The following CDKN2B-AS1 variants were observed in gnomAD, a reference collection of about 807,000 sequenced individuals.
CDKN2B-AS1 encodes CDKN2B and CDKN2A antisense cis and trans regulatory RNA 1, also known as CDKN2B antisense RNA 1 (non-protein coding).
intron 1 of CDKN2B-AS1, chr9:22,008,936 C>T (rs1361379009): frequency 6.2e-7 from 1 of 1,613,026 alleles, no homozygotes; most frequent in African/African-American, 1.3e-5. Flanking sequence ...TGGGCATGCC[C>T]TTGTTCTCCT....
intron 4 of CDKN2B-AS1, among the ~76,000 whole-genome samples, chr9:22,089,992 A>C: frequency 2.2e-5 from 2 of 89,742 alleles, no homozygotes; most frequent in Admixed American, 1.6e-4. Flanking sequence ...CCCACCCCAC[A>C]ACAGGCCCCG....
chr9:22,073,165 A>AT (rs1824365287), intron 4 of CDKN2B-AS1, among the ~76,000 whole-genome samples: 1 of 152,190 alleles, frequency 6.6e-6, no homozygotes, highest in Admixed American at 6.5e-5. Flanking sequence ...TAGGAAACCA[A>AT]TATTTGTCTA....
In CDKN2B-AS1 at chr9:22,001,883, T is replaced by C. The variant is rs565487421; in HGVS notation, n.29+6722T>C. Among the ~76,000 whole-genome samples the C allele has an allele frequency of 1.3e-5, 2 of 152,124 alleles. No individual in the cohort carries two copies. The highest frequency in any genetic ancestry group is 2.4e-5 in the African/African-American group (1 of 41,448). On this transcript the variant is annotated intron_variant and non_coding_transcript_variant, in intron 1 of 4. Transcript: ENST00000650946. This position sits in a 1 kb window ranked among gnomAD's most constrained non-coding sequence, Gnocchi z 4.2. ...AACCAATGTGGGAATCTAGGTCTTC[T>C]ATCTTCCAGTCAAGTCCTTGTTTCA...
chr9:22,056,950 C>G (rs1002505415), intron 4 of CDKN2B-AS1, among the ~76,000 whole-genome samples: 1 of 152,150 alleles, frequency 6.6e-6, no homozygotes, highest in Non-Finnish European at 1.5e-5. Context: ...AATTAATGAA[C>G]CTGACATTCA....
At chr9:22,112,033 C>T (rs975726120) in intron 4 of CDKN2B-AS1, 1 of 152,150 alleles carries the variant, frequency 6.6e-6, no homozygotes, top group Non-Finnish European at 1.5e-5. Flanking sequence ...TTTCCCACCA[C>T]AGTAAGTATT....
At chr9:22,003,618 A>G in intron 1 of CDKN2B-AS1, 1 of 229,956 alleles carries the variant, frequency 4.3e-6, no homozygotes, top group Non-Finnish European at 8.6e-6. Flanking sequence ...CTTTAAAAAT[A>G]TTATTCTTGT....
chr9:22,075,234 G>A (rs924833330), intron 4 of CDKN2B-AS1, among the ~76,000 whole-genome samples: 1 of 152,178 alleles, frequency 6.6e-6, no homozygotes, highest in Admixed American at 6.5e-5. Flanking sequence ...CCTATCCCCA[G>A]GCCAGTTAAC....
intron 1 of CDKN2B-AS1, chr9:22,003,500 A>C (rs955027570): frequency 8.7e-6 from 2 of 228,660 alleles, no homozygotes; most frequent in Non-Finnish European, 1.7e-5. Flanking sequence ...TTGGAATTTA[A>C]GATATAGAGG....
intron 4 of CDKN2B-AS1, chr9:22,062,145 A>G (rs1037998454): frequency 6.6e-6 from 1 of 152,212 alleles, no homozygotes; most frequent in African/African-American, 2.4e-5. Flanking sequence ...GCAGAGGACC[A>G]TGATATTTCT....
intron 1 of CDKN2B-AS1, among the ~76,000 whole-genome samples, chr9:22,041,642 C>G (rs2131265203): frequency 1.3e-5 from 2 of 152,140 alleles, no homozygotes; most frequent in South Asian, 4.1e-4. Flanking sequence ...GGTGAAAACA[C>G]TTTCTTAGGG....
chr9:22,102,974 T>A (rs1219104706), intron 4 of CDKN2B-AS1, among the ~76,000 whole-genome samples: 1 of 152,212 alleles, frequency 6.6e-6, no homozygotes, highest in Non-Finnish European at 1.5e-5. Flanking sequence ...TGCTCTCATC[T>A]GAGGCTTCAG....
chr9:22,040,488 A>C (rs1822853070), intron 1 of CDKN2B-AS1, among the ~76,000 whole-genome samples: 2 of 151,958 alleles, frequency 1.3e-5, no homozygotes. Flanking sequence ...GTTGAGAAGG[A>C]GATCATAACC....
At chr9:22,103,631 A>G (rs1720275385) in intron 4 of CDKN2B-AS1, among the ~76,000 whole-genome samples, 1 of 152,226 alleles carries the variant, frequency 6.6e-6, no homozygotes. Flanking sequence ...GAAATAATTA[A>G]ATTTATAAGA....
intron 1 of CDKN2B-AS1, among the ~76,000 whole-genome samples, chr9:22,032,109 C>G (rs906248537): frequency 6.6e-6 from 1 of 152,176 alleles, no homozygotes; most frequent in Non-Finnish European, 1.5e-5. Context: ...TGAAGCAGAG[C>G]TATTCTCAGA....
intron 1 of CDKN2B-AS1, among the ~76,000 whole-genome samples, chr9:22,041,784 G>GAC (rs1261459098): frequency 6.6e-6 from 1 of 151,970 alleles, no homozygotes; most frequent in Non-Finnish European, 1.5e-5. Flanking sequence ...GAAACTCACA[G>GAC]ACTCCAAAGC....
chr9:22,110,226 G>C (rs1432404337), intron 4 of CDKN2B-AS1, among the ~76,000 whole-genome samples: 1 of 152,042 alleles, frequency 6.6e-6, no homozygotes, highest in Non-Finnish European at 1.5e-5. Context: ...TGAATTCTCT[G>C]ATATCAGCAA....
At chr9:22,099,514 G>A (rs1402476691) in intron 4 of CDKN2B-AS1, among the ~76,000 whole-genome samples, 2 of 152,018 alleles carry the variant, frequency 1.3e-5, no homozygotes, top group African/African-American at 2.4e-5. Context: ...TTTTTAGCTG[G>A]TCATTTCTTT....
chr9:22,040,370 T>A (rs1822850099), intron 1 of CDKN2B-AS1, among the ~76,000 whole-genome samples: 1 of 152,044 alleles, frequency 6.6e-6, no homozygotes, highest in African/African-American at 2.4e-5. Context: ...ATAGTGCCAG[T>A]GTTTGAACAC....
At chr9:22,125,562 G>T (rs1432452759) in intron 4 of CDKN2B-AS1, among the ~76,000 whole-genome samples, 1 of 152,208 alleles carries the variant, frequency 6.6e-6, no homozygotes, top group Non-Finnish European at 1.5e-5. Context: ...GTTGACAAAA[G>T]TATGCAGAAG....
Sources: gnomAD v4.1 joint callset for allele counts (sites outside exome capture counted in the v4.1 genomes callset) on GRCh38, gnomAD v4.1.1 for gene constraint, Gnocchi (gnomAD v3.1) non-coding constraint, MANE v1.5 for transcripts, NCBI Gene and HGNC (gene_info 2026-07-23, HGNC 2026-07-21) for gene names.